The following CBFB variants were observed in gnomAD, a reference collection of about 807,000 sequenced individuals.
CBFB encodes the protein CBF-beta.
A neutral mutation model predicts 30.4 loss-of-function variants in CBFB; 9 were observed. That is an observed-to-expected ratio of 0.30 (90% CI 0.18 to 0.52). The LOEUF is 0.52. Ranked by LOEUF, CBFB falls within the 20% of genes least tolerant of loss-of-function variation. The pLI, the probability that CBFB is intolerant of heterozygous loss-of-function variation, is 0.97. For synonymous variants in CBFB, 94 were observed against 84.0 expected (o/e 1.12, Z -0.65); for missense variants, 170 against 244.0 (o/e 0.70, Z 2.02).
intron 4 of CBFB, among the ~76,000 whole-genome samples, chr16:67,080,048 CA>C (rs1481406843): frequency 1.3e-5 from 2 of 152,158 alleles, no homozygotes; most frequent in Non-Finnish European, 1.5e-5. Context: ...GCAGAGATCA[CA>C]CTGCTGTACT....
At chr16:67,033,449 T>C (rs1221820537) in intron 2 of CBFB, among the ~76,000 whole-genome samples, 1 of 151,728 alleles carries the variant, frequency 6.6e-6, no homozygotes, top group African/African-American at 2.4e-5. Flanking sequence ...GCCTCCTGAC[T>C]TGCTGGGATT....
At position 67,082,260 on chromosome 16, in the gene CBFB, G is replaced by C. The variant is rs1277342356; in HGVS notation, c.447G>C (p.Arg149Ser). The C allele has an allele frequency of 6.2e-7, 1 of 1,611,888 alleles. No individual in the cohort carries two copies. Among genetic ancestry groups the C allele is most frequent in the Non-Finnish European group, 8.5e-7 (1 of 1,178,306 alleles). The change falls in exon 5 of 6, where the codon AGG becomes AGC. Residue 149 changes from arginine (R) to serine (S), a missense_variant. Coordinates refer to ENST00000412916, the MANE Select transcript of CBFB (RefSeq NM_022845.3). ...AGGCCTTTGAAGAGGCTCGGAGAAG[G>C]ACACGCGAATTTGAAGATAGAGACA... ...AQQAFEEARR[R>S]TREFEDRDRS...
chr16:67,050,154 A>G (rs1288065275), intron 3 of CBFB, among the ~76,000 whole-genome samples: 1 of 148,398 alleles, frequency 6.7e-6, no homozygotes, highest in African/African-American at 2.5e-5. Context: ...ATATATATAT[A>G]TCATAAATAT....
intron 5 of CBFB, among the ~76,000 whole-genome samples, chr16:67,092,098 C>T (rs1254004336): frequency 2.0e-5 from 3 of 151,764 alleles, no homozygotes; most frequent in Non-Finnish European, 4.4e-5. Context: ...GTGTGACATT[C>T]CCTTCCCTGT....
chr16:67,050,037 C>T (rs536244395), intron 3 of CBFB, among the ~76,000 whole-genome samples: 1 of 151,876 alleles, frequency 6.6e-6, no homozygotes, highest in East Asian at 1.9e-4. Flanking sequence ...TCTTTGCATA[C>T]TACACTACTG....
intron 3 of CBFB, among the ~76,000 whole-genome samples, chr16:67,053,844 CT>C (rs111876987): frequency 0.057 from 8,051 of 142,132 alleles, 516 homozygotes; most frequent in African/African-American, 0.16. Context: ...TTCTTTTATC[CT>C]TTTTTTTTTT....
chr16:67,029,639 T>C, intron 1 of CBFB, 88 bp from the exon 2 acceptor site: 1 of 1,371,798 alleles, frequency 7.3e-7, no homozygotes, highest in Non-Finnish European at 1.0e-6. Context: ...CAGCCTCTGC[T>C]TGCCCTTATC....
intron 3 of CBFB, among the ~76,000 whole-genome samples, chr16:67,048,380 G>T (rs950073251): frequency 1.4e-4 from 22 of 152,274 alleles, no homozygotes; most frequent in African/African-American, 4.1e-4. Flanking sequence ...TCAGGCAGTT[G>T]ACCAGGGGAG....
intron 5 of CBFB, among the ~76,000 whole-genome samples, chr16:67,083,955 G>A (rs1232994096): frequency 2.0e-5 from 3 of 151,852 alleles, no homozygotes; most frequent in African/African-American, 7.3e-5. Context: ...GATTGCTTGA[G>A]GCTGGGAATT....
intron 3 of CBFB, among the ~76,000 whole-genome samples, chr16:67,051,491 TACAC>T (rs1205670330): frequency 6.6e-6 from 1 of 152,108 alleles, no homozygotes. Flanking sequence ...TATATATATG[TACAC>T]ACACACATAC....
intron 5 of CBFB, among the ~76,000 whole-genome samples, chr16:67,088,771 AG>A (rs1361321539): frequency 6.6e-6 from 1 of 152,182 alleles, no homozygotes; most frequent in Non-Finnish European, 1.5e-5. Context: ...AGCAGCACAG[AG>A]GTTTAGGGAT....
intron 3 of CBFB, among the ~76,000 whole-genome samples, chr16:67,039,615 C>A (rs116014753): frequency 1.7e-3 from 265 of 151,970 alleles, no homozygotes; most frequent in African/African-American, 6.0e-3. Flanking sequence ...TAAAGCAATA[C>A]ATGAATGTAT....
chr16:67,081,427 A>G (rs1011889547), intron 4 of CBFB, among the ~76,000 whole-genome samples: 7 of 152,074 alleles, frequency 4.6e-5, no homozygotes, highest in Admixed American at 6.6e-5. Context: ...GATGTCCAAC[A>G]ATGATAGACT....
At chr16:67,073,123 G>C (rs189750004) in intron 4 of CBFB, among the ~76,000 whole-genome samples, 3 of 152,112 alleles carry the variant, frequency 2.0e-5, no homozygotes, top group African/African-American at 7.2e-5. Flanking sequence ...TGTAAACTAC[G>C]TAAAAAATTG....
At chr16:67,052,881 T>C (rs964294895) in intron 3 of CBFB, among the ~76,000 whole-genome samples, 1 of 151,926 alleles carries the variant, frequency 6.6e-6, no homozygotes, top group Non-Finnish European at 1.5e-5. Context: ...GAGGATCCCT[T>C]GAGTCCTGGA....
chr16:67,055,357 C>CTTTCTTT (rs1484285498), intron 3 of CBFB, among the ~76,000 whole-genome samples: 3 of 81,474 alleles, frequency 3.7e-5, no homozygotes, highest in African/African-American at 1.6e-4. Flanking sequence ...CAGACACTTT[C>CTTTCTTT]TTTTTTTTTT....
intron 5 of CBFB, among the ~76,000 whole-genome samples, chr16:67,096,322 A>T (rs1182768268): frequency 1.3e-5 from 2 of 151,908 alleles, no homozygotes; most frequent in South Asian, 2.1e-4. Flanking sequence ...AAAAAAAAAA[A>T]TAATAATAAT....
chr16:67,038,905 G>A (rs1183936445), intron 3 of CBFB, among the ~76,000 whole-genome samples: 1 of 152,148 alleles, frequency 6.6e-6, no homozygotes, highest in Non-Finnish European at 1.5e-5. Context: ...AACTCTACCA[G>A]AAATTAAGTT....
In CBFB at chr16:67,059,077, T is replaced by C. The variant is rs549494246; in HGVS notation, c.283-7605T>C. Among the ~76,000 whole-genome samples the C allele has an allele frequency of 6.3e-4, 96 of 152,326 alleles. 1 individual carries two copies. The highest frequency in any genetic ancestry group is 2.2e-3 in the African/African-American group (92 of 41,570). Reference sequence around the variant, plus strand: ...CATCCCTTTGTACCTTTAATTTGTCTCCTCATCTCGGCTACCTAGAAACTA... The same window carrying C: ...CATCCCTTTGTACCTTTAATTTGTCCCCTCATCTCGGCTACCTAGAAACTA... On this transcript the variant is annotated intron_variant, in intron 3 of 5. Coordinates refer to ENST00000412916, the MANE Select transcript of CBFB (RefSeq NM_022845.3).
Sources: gnomAD v4.1 joint callset for allele counts (sites outside exome capture counted in the v4.1 genomes callset) on GRCh38, gnomAD v4.1.1 for gene constraint, MANE v1.5 for transcripts, NCBI Gene and HGNC (gene_info 2026-07-23, HGNC 2026-07-21) for gene names.